Variants in VSIG4 observed in about 807,000 individuals in gnomAD.
VSIG4 encodes the protein V-set and immunoglobulin domain-containing protein 4.
In VSIG4, 34 loss-of-function variants were observed where a neutral mutation model predicts 23.4. That is an observed-to-expected ratio of 1.45 (90% CI 1.10 to 1.93). The LOEUF (loss-of-function observed/expected upper bound fraction) is 1.93. Among genes scored for constraint, VSIG4 ranks in the 30% most tolerant of loss-of-function variants. VSIG4 has a pLI of 0.00. For synonymous variants in VSIG4, 169 were observed against 120.3 expected (o/e 1.41, Z -2.65); for missense variants, 433 against 310.8 (o/e 1.39, Z -2.96).
Position 66,026,326 on chromosome X carries a change from G to A in VSIG4, c.835+1123C>T, listed in dbSNP as rs774309592. Among the ~76,000 whole-genome samples the A allele has an allele frequency of 4.5e-5, 5 of 112,068 alleles. No individual in the cohort carries two copies. In the Admixed American group the frequency reaches 4.7e-4, roughly 11 times the overall value. ...TCTTGTTGGGACTGAGAGAGCTCAA[G>A]TTATAAGCTGGTACAAATCGAAGAA... On this transcript the variant is annotated intron_variant, in intron 5 of 7. Coordinates refer to ENST00000374737, the MANE Select transcript of VSIG4 (RefSeq NM_007268.3).
chrX:66,037,355 A>AT (rs1325200144), intron 1 of VSIG4, among the ~76,000 whole-genome samples: 2 of 32,387 alleles, frequency 6.2e-5, no homozygotes, highest in Non-Finnish European at 8.6e-5. Flanking sequence ...TATATAATAT[A>AT]TATTATATAA....
rs752906800 is a variant in VSIG4, at chrX:66,022,851, C to T, written c.952G>A (p.Glu318Lys). ...RKTSQQEHVY[E>K]AARAHAREAN... Reference sequence around the variant, plus strand: ...GAGAGACTTTCTTACCTGGCTGCTTCGTAGACATGCTCTAGAAAAAAAGGA... The same window carrying T: ...GAGAGACTTTCTTACCTGGCTGCTTTGTAGACATGCTCTAGAAAAAAAGGA... Residue 318 changes from glutamate to lysine, a missense_variant, in exon 7 of 8, where the codon GAA becomes AAA. Glu to Lys is a moderately conservative substitution (Grantham distance 56). Coordinates refer to ENST00000374737, the MANE Select transcript of VSIG4 (RefSeq NM_007268.3). The T allele has an allele frequency of 2.5e-5, 30 of 1,209,796 alleles. No individual in the cohort carries two copies. In the Admixed American group the frequency reaches 3.9e-4, roughly 16 times the overall value.
intron 1 of VSIG4, among the ~76,000 whole-genome samples, 161 bp downstream of exon 1, chrX:66,039,783 C>T (rs1236562076): frequency 8.9e-6 from 1 of 112,647 alleles, no homozygotes; most frequent in Non-Finnish European, 1.9e-5. Context: ...CCTTCAACTA[C>T]ATCCATCCGT....
intron 1 of VSIG4, 86 bp downstream of exon 1, chrX:66,039,858 G>A (rs891768706): frequency 1.8e-5 from 20 of 1,102,863 alleles, no homozygotes; most frequent in African/African-American, 5.4e-5. Flanking sequence ...AGTAGGAATA[G>A]GCTTTCCATA....
At position 66,027,462 on chromosome X, in the gene VSIG4, G is replaced by A. The variant is rs761832526; in HGVS notation, c.822C>T (p.Thr274=). 4 of 1,203,360 alleles carry A rather than the reference G, an allele frequency of 3.3e-6. No homozygotes were observed. The South Asian group carries it at 7.2e-5, about 22-fold the overall frequency. The change falls in exon 5 of 8, where the codon ACC becomes ACT. Residue 274 remains threonine, a synonymous_variant. Transcript: ENST00000374737. ...CAATATTCCTACCTGGCCCAGCACTGGTCTCTCCAAGGTAGCCATCCATGT... is the reference window on the plus strand; with the variant it reads ...CAATATTCCTACCTGGCCCAGCACTAGTCTCTCCAAGGTAGCCATCCATGT... ...TTDMDGYLGE[T]SAGPGKSLPV...
intron 1 of VSIG4, among the ~76,000 whole-genome samples, chrX:66,037,304 A>AT (rs1172169545): frequency 2.2e-4 from 4 of 18,162 alleles, no homozygotes; most frequent in Non-Finnish European, 3.4e-4. Flanking sequence ...ATTATATAAT[A>AT]ATATAATATA....
chrX:66,025,568 A>G (rs1332994912), intron 5 of VSIG4, among the ~76,000 whole-genome samples: 1 of 112,228 alleles, frequency 8.9e-6, no homozygotes, highest in Admixed American at 9.5e-5. Context: ...CTTTCTCAAA[A>G]CATATTTCCA....
At chrX:66,036,765 ATATAT>A (rs1268942378) in intron 1 of VSIG4, among the ~76,000 whole-genome samples, 3 of 38,989 alleles carry the variant, frequency 7.7e-5, no homozygotes, top group Non-Finnish European at 1.2e-4. Context: ...ATATAATATA[ATATAT>A]ATTATATTAT....
intron 4 of VSIG4, among the ~76,000 whole-genome samples, 157 bp from the exon 5 acceptor site, chrX:66,027,683 G>C (rs921210041): frequency 8.9e-6 from 1 of 112,192 alleles, no homozygotes; most frequent in Non-Finnish European, 1.9e-5. Context: ...CATGAGATAA[G>C]GCATCTTCAT....
intron 5 of VSIG4, 137 bp downstream of exon 5, chrX:66,027,312 C>A (rs1314695844): frequency 3.7e-6 from 2 of 541,108 alleles, no homozygotes; most frequent in Middle Eastern, 3.5e-4. Flanking sequence ...ATCCTCAGTG[C>A]CCTTGACCAT....
intron 5 of VSIG4, among the ~76,000 whole-genome samples, chrX:66,025,362 G>A (rs1038067298): frequency 8.9e-6 from 1 of 112,043 alleles, no homozygotes; most frequent in Non-Finnish European, 1.9e-5. Flanking sequence ...ATTGGCCTGG[G>A]CATTTGAGCT....
chrX:66,026,842 C>T (rs1195350310), intron 5 of VSIG4, among the ~76,000 whole-genome samples: 2 of 111,206 alleles, frequency 1.8e-5, no homozygotes, highest in Non-Finnish European at 3.8e-5. Context: ...ACAAGGCAGC[C>T]CCAGGTAATA....
At chrX:66,024,975 G>T in intron 6 of VSIG4, 50 bp downstream of exon 6, 1 of 949,780 alleles carries the variant, frequency 1.1e-6, no homozygotes, top group Non-Finnish European at 1.4e-6. Context: ...CAAGTATACT[G>T]ACAGAAAGAA....
chrX:66,034,229 T>A, intron 1 of VSIG4, among the ~76,000 whole-genome samples: 1 of 112,379 alleles, frequency 8.9e-6, no homozygotes, highest in Admixed American at 9.4e-5. Flanking sequence ...TCTTTTCACA[T>A]TTTCCAAAAG....
At position 66,039,549 on chromosome X, in the gene VSIG4, G is replaced by A. The variant is rs914399585; in HGVS notation, c.55+395C>T. ...AACTCTTAGAAAACACTCCTTCTTC[G>A]GGGGCTGTATATTTTAACAGAGACC... On this transcript the variant is annotated intron_variant, in intron 1 of 7. Transcript: ENST00000374737. Among the ~76,000 whole-genome samples the A allele has an allele frequency of 2.7e-5, 3 of 111,172 alleles. No individual in the cohort carries two copies. In the East Asian group the frequency reaches 8.4e-4, roughly 31 times the overall value.
At chrX:66,037,777 A>G (rs924721203) in intron 1 of VSIG4, among the ~76,000 whole-genome samples, 2 of 104,312 alleles carry the variant, frequency 1.9e-5, no homozygotes, top group Non-Finnish European at 3.9e-5. Context: ...CTTATTGCTG[A>G]TAAGTATATA....
Position 66,039,741 on chromosome X carries a change from T to C in VSIG4, c.55+203A>G, listed in dbSNP as rs909460601. On this transcript the variant is annotated intron_variant, in intron 1 of 7. Transcript: ENST00000374737. ...AAGAGAAAAATCCTTTTTCAATTTCTGCCCAAACTTGCCTTCTGGCTTCTT... is the reference window on the plus strand; with the variant it reads ...AAGAGAAAAATCCTTTTTCAATTTCCGCCCAAACTTGCCTTCTGGCTTCTT... 2.7e-5 allele frequency among the ~76,000 whole-genome samples: 3 copies of C among 112,438 alleles called. No homozygotes were observed. The Admixed American group carries it at 2.8e-4, about 11-fold the overall frequency.
chrX:66,040,028 C>T lies in VSIG4; in HGVS notation c.-30G>A, dbSNP rs1258009510. ...GCCAGAGCTACTTCTGTCCTTTCTTCCAGCCTCCTGCTACCAAAGAGGCTC... is the reference window on the plus strand; with the variant it reads ...GCCAGAGCTACTTCTGTCCTTTCTTTCAGCCTCCTGCTACCAAAGAGGCTC... On this transcript the variant is annotated 5_prime_UTR_variant, in exon 1 of 8. Coordinates refer to ENST00000374737, the MANE Select transcript of VSIG4 (RefSeq NM_007268.3). 8.3e-7 allele frequency: 1 copy of T among 1,207,984 alleles called. No homozygotes were observed. Among genetic ancestry groups the T allele is most frequent in the South Asian group, 1.8e-5 (1 of 56,713 alleles).
chrX:66,035,320 A>G (rs2085523326), intron 1 of VSIG4, among the ~76,000 whole-genome samples: 1 of 111,864 alleles, frequency 8.9e-6, no homozygotes, highest in Admixed American at 9.5e-5. Flanking sequence ...GGTTTGCTCT[A>G]TTTTCCTAAT....
Sources: gnomAD v4.1 joint callset for allele counts (sites outside exome capture counted in the v4.1 genomes callset) on GRCh38, gnomAD v4.1.1 for gene constraint, MANE v1.5 for transcripts, NCBI Gene and HGNC (gene_info 2026-07-23, HGNC 2026-07-21) for gene names.